Variants in UST observed in about 807,000 individuals in gnomAD.
The protein encoded by UST is chondroitin sulfate 2-O-sulfotransferase.
A neutral mutation model predicts 45.6 loss-of-function variants in UST; 21 were observed. The observed-to-expected ratio is 0.46, with a 90% CI of 0.33 to 0.66. The LOEUF (loss-of-function observed/expected upper bound fraction) is 0.66, where lower values mean the gene tolerates loss of function less well. Among genes scored for constraint, UST ranks in the 30% least tolerant of loss-of-function variants. UST has a pLI of 0.02. For missense variants in UST, 463 were observed against 512.4 expected (o/e 0.90, Z 0.93); for synonymous variants, 215 against 200.6 (o/e 1.07, Z -0.61).
At chr6:149,036,172 C>T (rs1241457143) in intron 7 of UST, among the ~76,000 whole-genome samples, 2 of 152,218 alleles carry the variant, frequency 1.3e-5, no homozygotes, top group Non-Finnish European at 2.9e-5. Context: ...AGATTGCCTG[C>T]CCCTGGCTGT....
At chr6:148,997,597 C>G (rs1271767523) in intron 5 of UST, among the ~76,000 whole-genome samples, 1 of 152,144 alleles carries the variant, frequency 6.6e-6, no homozygotes, top group Non-Finnish European at 1.5e-5. Flanking sequence ...ATTTAGTGAA[C>G]CAACATAAAC....
intron 1 of UST, among the ~76,000 whole-genome samples, chr6:148,764,366 T>C (rs1158883656): frequency 6.6e-6 from 1 of 152,202 alleles, no homozygotes; most frequent in Non-Finnish European, 1.5e-5. Flanking sequence ...CTGAAGTAAT[T>C]TATCAAATCT....
At chr6:148,891,469 A>G (rs1423855317) in intron 2 of UST, among the ~76,000 whole-genome samples, 2 of 152,214 alleles carry the variant, frequency 1.3e-5, no homozygotes, top group African/African-American at 4.8e-5. Flanking sequence ...TGCATGCAAA[A>G]TTTAATCTCT....
intron 3 of UST, among the ~76,000 whole-genome samples, chr6:148,943,072 T>C (rs541240881): frequency 3.3e-5 from 5 of 152,332 alleles, no homozygotes; most frequent in African/African-American, 1.2e-4. Flanking sequence ...GAAGAGCTAA[T>C]GTGATTAGGC....
chr6:148,751,942 G>C (rs79730065), intron 1 of UST, among the ~76,000 whole-genome samples: 12 of 152,330 alleles, frequency 7.9e-5, no homozygotes, highest in Non-Finnish European at 1.3e-4. Flanking sequence ...TACTGATCTT[G>C]TACAACCGAC....
At chr6:148,979,070 C>T (rs545704550) in intron 5 of UST, among the ~76,000 whole-genome samples, 6 of 152,214 alleles carry the variant, frequency 3.9e-5, no homozygotes, top group Middle Eastern at 3.4e-3. Flanking sequence ...TAACACCCCT[C>T]GGCCCCGCAT....
intron 5 of UST, among the ~76,000 whole-genome samples, chr6:149,002,504 G>T (rs1197272270): frequency 6.6e-6 from 1 of 151,970 alleles, no homozygotes; most frequent in African/African-American, 2.4e-5. Flanking sequence ...TACTTTTTAT[G>T]TATTTATTTA....
intron 1 of UST, among the ~76,000 whole-genome samples, chr6:148,825,354 C>T (rs1777550869): frequency 6.6e-6 from 1 of 152,192 alleles, no homozygotes; most frequent in South Asian, 2.1e-4. Flanking sequence ...AACACAGGTC[C>T]TTTGTGCATC....
intron 5 of UST, 51 bp downstream of exon 5, chr6:148,964,614 G>C (rs2114958622): frequency 6.2e-7 from 1 of 1,601,042 alleles, no homozygotes; most frequent in Non-Finnish European, 8.5e-7. Flanking sequence ...TGAGGAGTGG[G>C]CCCTCCACCA....
At chr6:149,072,755 T>C (rs947075249) in intron 7 of UST, among the ~76,000 whole-genome samples, 1 of 151,680 alleles carries the variant, frequency 6.6e-6, no homozygotes, top group Non-Finnish European at 1.5e-5. Context: ...AGGACAAATA[T>C]TGTATGATTC....
At chr6:148,856,439 A>G (rs1272986502) in intron 1 of UST, among the ~76,000 whole-genome samples, 1 of 152,246 alleles carries the variant, frequency 6.6e-6, no homozygotes, top group Non-Finnish European at 1.5e-5. Context: ...ATAAAATGTT[A>G]TATATCAAAG....
At chr6:148,965,598 A>G (rs1780774989) in intron 5 of UST, among the ~76,000 whole-genome samples, 1 of 152,202 alleles carries the variant, frequency 6.6e-6, no homozygotes. Context: ...TCATTTTAAA[A>G]ACATAATGGA....
chr6:148,801,186 A>C (rs2114717273), intron 1 of UST, among the ~76,000 whole-genome samples: 1 of 152,246 alleles, frequency 6.6e-6, no homozygotes, highest in Non-Finnish European at 1.5e-5. Flanking sequence ...GTGTCTATTG[A>C]TGCATTCCTG....
intron 2 of UST, among the ~76,000 whole-genome samples, chr6:148,892,115 A>G (rs551385658): frequency 6.6e-6 from 1 of 152,208 alleles, no homozygotes; most frequent in African/African-American, 2.4e-5. Context: ...TATATTGTTC[A>G]TTCAATATAT....
At chr6:149,064,896 A>T (rs1484375686) in intron 7 of UST, among the ~76,000 whole-genome samples, 2 of 83,088 alleles carry the variant, frequency 2.4e-5, no homozygotes, top group East Asian at 3.0e-4. Flanking sequence ...CCATTTCTAA[A>T]AAAAAAAAAA....
intron 1 of UST, among the ~76,000 whole-genome samples, chr6:148,831,885 G>C (rs1200529326): frequency 6.6e-6 from 1 of 152,282 alleles, no homozygotes; most frequent in African/African-American, 2.4e-5. Flanking sequence ...GCTAGTAAGT[G>C]GTGGATTCCA....
At chr6:148,963,251 C>G (rs1780704995) in intron 4 of UST, among the ~76,000 whole-genome samples, 1 of 152,130 alleles carries the variant, frequency 6.6e-6, no homozygotes. Context: ...TTTGTTTTCT[C>G]TTAGTTCTTT....
intron 1 of UST, among the ~76,000 whole-genome samples, chr6:148,871,809 A>G (rs1053899259): frequency 6.6e-6 from 1 of 152,216 alleles, no homozygotes; most frequent in Non-Finnish European, 1.5e-5. Context: ...TTTGGAGAGT[A>G]AGCTAGGTAA....
At chr6:149,002,786 C>A (rs976253466) in intron 5 of UST, among the ~76,000 whole-genome samples, 1 of 152,136 alleles carries the variant, frequency 6.6e-6, no homozygotes, top group Non-Finnish European at 1.5e-5. Flanking sequence ...GGATTACAGG[C>A]GTGAGCCACT....
Sources: gnomAD v4.1 joint callset for allele counts (sites outside exome capture counted in the v4.1 genomes callset) on GRCh38, gnomAD v4.1.1 for gene constraint, MANE v1.5 for transcripts, NCBI Gene and HGNC (gene_info 2026-07-23, HGNC 2026-07-21) for gene names.